The following RFX3 variants were observed in gnomAD, a reference collection of about 807,000 sequenced individuals.
RFX3 encodes regulatory factor X3.
Under a neutral mutation model 98.6 loss-of-function variants are expected in RFX3, and 14 were observed. The ratio of observed to expected loss-of-function variants is 0.14; its 90% CI spans 0.09 to 0.22. The LOEUF (loss-of-function observed/expected upper bound fraction) is 0.22, where lower values mean the gene tolerates loss of function less well. Ranked by LOEUF, RFX3 falls within the 10% of genes least tolerant of loss-of-function variation. RFX3 has a pLI of 1.00. For missense variants in RFX3, 639 were observed against 926.9 expected, an observed-to-expected ratio of 0.69 and a Z score of 4.03; for synonymous variants, 383 against 328.4, an observed-to-expected ratio of 1.17 and a Z score of -1.80.
At chr9:3,522,000 T>C (rs965859930) in intron 1 of RFX3, among the ~76,000 whole-genome samples, 1 of 152,028 alleles carries the variant, frequency 6.6e-6, no homozygotes, top group African/African-American at 2.4e-5. Context: ...GAAATAAAAG[T>C]TATGTTAAAT....
chr9:3,383,529 G>A (rs1282725830), intron 2 of RFX3, among the ~76,000 whole-genome samples: 3 of 151,342 alleles, frequency 2.0e-5, no homozygotes, highest in African/African-American at 7.3e-5. Flanking sequence ...CAGATGACTT[G>A]AGAATGACTC....
chr9:3,334,487 AT>A (rs1333714463), intron 3 of RFX3, among the ~76,000 whole-genome samples: 2 of 152,204 alleles, frequency 1.3e-5, no homozygotes, highest in East Asian at 3.8e-4. Flanking sequence ...ATGCAAAAAA[AT>A]GCATCACAGA....
chr9:3,413,182 C>G (rs897534725), intron 1 of RFX3, among the ~76,000 whole-genome samples: 3 of 151,486 alleles, frequency 2.0e-5, no homozygotes, highest in Non-Finnish European at 2.9e-5. Flanking sequence ...AGCTTTTAAT[C>G]CAAATTTCCC....
chr9:3,424,422 C>T (rs1372100044), intron 1 of RFX3, among the ~76,000 whole-genome samples: 9 of 121,780 alleles, frequency 7.4e-5, no homozygotes, highest in Admixed American at 4.4e-4. Flanking sequence ...AGTGCAGTGG[C>T]GCGATCTCGA....
intron 4 of RFX3, among the ~76,000 whole-genome samples, chr9:3,317,761 C>T (rs1830795904): frequency 6.6e-6 from 1 of 152,166 alleles, no homozygotes; most frequent in African/African-American, 2.4e-5. Flanking sequence ...CCAATAGACA[C>T]ATGAAAAAAT....
chr9:3,267,012 C>A (rs1823732598), intron 11 of RFX3, among the ~76,000 whole-genome samples: 2 of 151,858 alleles, frequency 1.3e-5, no homozygotes, highest in Admixed American at 1.3e-4. Context: ...AGGGATAGGT[C>A]CCATGACAGA....
At chr9:3,324,035 T>C (rs1831607763) in intron 4 of RFX3, 2 of 454,702 alleles carry the variant, frequency 4.4e-6, no homozygotes, top group South Asian at 1.6e-5. Flanking sequence ...TGATTTAGTG[T>C]AGGAAACAGA....
rs1041521943 is a variant in RFX3, at chr9:3,270,228, C to A, written c.1357+143G>T. On this transcript the variant is annotated intron_variant, in intron 11 of 16. Transcript: ENST00000617270. Reference sequence around the variant, plus strand: ...ACAGTTTTGCTCTAGGCTGCTTTCACGCAATATTCTGTGTTGCATGTTTTC... The same window carrying A: ...ACAGTTTTGCTCTAGGCTGCTTTCAAGCAATATTCTGTGTTGCATGTTTTC... 6.0e-5 allele frequency: 43 copies of A among 717,444 alleles called. No homozygotes were observed. In the South Asian group the frequency reaches 1.3e-3, roughly 21 times the overall value. 44.4% of individuals were successfully genotyped at this position (717,444 alleles called of 1,614,324 possible).
intron 1 of RFX3, among the ~76,000 whole-genome samples, chr9:3,464,574 C>T (rs553954143): frequency 1.3e-5 from 2 of 152,192 alleles, no homozygotes; most frequent in South Asian, 4.1e-4. Context: ...AATTGTAGTA[C>T]TATAAAGTAG....
intron 7 of RFX3, among the ~76,000 whole-genome samples, chr9:3,285,282 G>A (rs189687143): frequency 1.2e-3 from 177 of 151,702 alleles, no homozygotes; most frequent in South Asian, 5.2e-3. Flanking sequence ...CCTTTCACAT[G>A]TCATTTGTAT....
rs570488496 is a variant in RFX3, at chr9:3,495,690, A to G, written c.-9+30057T>C. On this transcript the variant is annotated intron_variant, in intron 1 of 16. Transcript: ENST00000617270. ...ATCACTTTAGCCTGGTTTTCTTCCC[A>G]CTCTTAAAATATCAAGGCAATGTTA... Among the ~76,000 whole-genome samples, 4 of 151,838 alleles carry G rather than the reference A, an allele frequency of 2.6e-5. No individual in the cohort carries two copies. In the South Asian group the frequency reaches 8.3e-4, roughly 32 times the overall value.
chr9:3,315,157 A>T (rs1830441438), intron 4 of RFX3, among the ~76,000 whole-genome samples: 1 of 152,180 alleles, frequency 6.6e-6, no homozygotes, highest in Non-Finnish European at 1.5e-5. Context: ...AAAAGAACAG[A>T]AATTATAACA....
intron 4 of RFX3, chr9:3,324,133 A>T (rs746568408): frequency 2.6e-6 from 1 of 382,608 alleles, no homozygotes; most frequent in Non-Finnish European, 5.9e-6. Flanking sequence ...GAAAAAGCTA[A>T]GATCATAATG....
At chr9:3,297,701 G>A (rs1485862773) in intron 5 of RFX3, among the ~76,000 whole-genome samples, 1 of 151,846 alleles carries the variant, frequency 6.6e-6, no homozygotes, top group African/African-American at 2.4e-5. Flanking sequence ...AAAAAACAAG[G>A]TTTTGCTTTG....
intron 1 of RFX3, among the ~76,000 whole-genome samples, chr9:3,487,044 C>T (rs964693220): frequency 3.3e-5 from 5 of 151,914 alleles, no homozygotes; most frequent in Admixed American, 3.3e-4. Context: ...TTAATAGAGA[C>T]AGCCTCTCCC....
chr9:3,450,424 AC>A (rs781186678), intron 1 of RFX3, among the ~76,000 whole-genome samples: 4 of 152,098 alleles, frequency 2.6e-5, no homozygotes, highest in East Asian at 3.8e-4. Flanking sequence ...CCTTAACAAA[AC>A]ATTCTCCCCA....
intron 4 of RFX3, among the ~76,000 whole-genome samples, chr9:3,315,981 T>C (rs1347186378): frequency 2.0e-5 from 3 of 152,168 alleles, no homozygotes; most frequent in Non-Finnish European, 4.4e-5. Flanking sequence ...TCTGAAACTA[T>C]TCCAATCAAT....
rs1829604272 is a variant in RFX3, at chr9:3,308,612, C to A, written c.475-6992G>T. Among the ~76,000 whole-genome samples, 5 of 152,128 alleles carry A rather than the reference C, an allele frequency of 3.3e-5. No homozygotes were observed. The South Asian group carries it at 1.0e-3, about 31-fold the overall frequency. On this transcript the variant is annotated intron_variant, in intron 4 of 16. Coordinates refer to ENST00000617270, the MANE Select transcript of RFX3 (RefSeq NM_001282116.2). ...CATATTAGCAGGAACATGAAAAGATCTCTTTGCAAGATGTCATACGACAAA... is the reference window on the plus strand; with the variant it reads ...CATATTAGCAGGAACATGAAAAGATATCTTTGCAAGATGTCATACGACAAA...
At chr9:3,274,155 T>C (rs1232389182) in intron 9 of RFX3, among the ~76,000 whole-genome samples, 1 of 152,134 alleles carries the variant, frequency 6.6e-6, no homozygotes, top group East Asian at 1.9e-4. Context: ...ACATGTTGTG[T>C]TAATAAGGAG....
Sources: gnomAD v4.1 joint callset for allele counts (sites outside exome capture counted in the v4.1 genomes callset) on GRCh38, gnomAD v4.1.1 for gene constraint, MANE v1.5 for transcripts, NCBI Gene and HGNC (gene_info 2026-07-23, HGNC 2026-07-21) for gene names.